FCSK: variants seen among roughly 807,000 people sequenced by gnomAD.
FCSK encodes the protein fucose kinase, also known as L-fucose kinase.
Under a neutral mutation model 122.5 loss-of-function variants are expected in FCSK, and 123 were observed. That is an observed-to-expected ratio of 1.00 (90% CI 0.87 to 1.17). The LOEUF is 1.17. FCSK is among the 50% of genes most tolerant of loss of function. The pLI, the probability that FCSK is intolerant of heterozygous loss-of-function variation, is 0.00. For synonymous variants in FCSK, 620 were observed against 625.5 expected, an observed-to-expected ratio of 0.99 and a Z score of 0.13; for missense variants, 1,366 against 1,450.4, an observed-to-expected ratio of 0.94 and a Z score of 0.95.
intron 13 of FCSK, 172 bp from the exon 14 acceptor site, chr16:70,472,369 C>A: frequency 2.0e-6 from 1 of 510,532 alleles, no homozygotes; most frequent in Non-Finnish European, 3.5e-6. Context: ...GAGTTCATAC[C>A]TGCAGTGAGC....
intron 13 of FCSK, among the ~76,000 whole-genome samples, chr16:70,472,135 C>T (rs2048644904): frequency 6.6e-6 from 1 of 152,072 alleles, no homozygotes; most frequent in Non-Finnish European, 1.5e-5. Context: ...CCTTATTTGA[C>T]AGGCTAGAGA....
chr16:70,478,757 C>T (rs970646826), intron 22 of FCSK, 107 bp downstream of exon 22: 3 of 925,432 alleles, frequency 3.2e-6, no homozygotes, highest in East Asian at 2.6e-5. Flanking sequence ...TCCAGATATT[C>T]GGCCTCTGGG....
Position 70,473,420 on chromosome 16 carries a change from C to T in FCSK, c.1777+67C>T. On this transcript the variant is annotated intron_variant, in intron 15 of 23. Coordinates refer to ENST00000288078, the MANE Select transcript of FCSK (RefSeq NM_145059.3). This position sits in a 1 kb window ranked among gnomAD's most constrained non-coding sequence, Gnocchi z 4.9. ...GCACCTGCCCTCCCTGTCCTCTGGG[C>T]CATCCCCTGAGGGGACTAGGGGACC... 2 of 1,428,374 alleles carry T rather than the reference C, an allele frequency of 1.4e-6. No homozygotes were observed. The highest frequency in any genetic ancestry group is 9.2e-7 in the Non-Finnish European group (1 of 1,083,684). The allele number at this position is 1,428,374 out of a possible 1,614,324, so 88.5% of individuals were successfully genotyped here. A position where few individuals can be genotyped will look rare whatever the true frequency, so the allele number is the denominator to read the frequency against.
rs538268173 is a variant in FCSK at position 70,473,312 on chromosome 16, G to A, written c.1736G>A (p.Arg579His). Residue 579 changes from arginine (R) to histidine (H), a missense_variant, in exon 15 of 24, where the codon CGC (arginine) becomes CAC (histidine). Physicochemically the swap from Arg to His is conservative, Grantham distance 29. Coordinates refer to ENST00000288078, the MANE Select transcript of FCSK (RefSeq NM_145059.3). This position sits in a 1 kb window ranked among gnomAD's most constrained non-coding sequence, Gnocchi z 4.9. ...CGCCCGCTGATCTGGGCTGCTGTCC[G>A]CGAGGGCTGCCCCGGGCCCCTGCTG... is the stretch of plus-strand genomic sequence containing the variant. ...SLRPLIWAAV[R>H]EGCPGPLLAT... is the part of the protein sequence containing the mutation. The A allele has an allele frequency of 4.5e-5, 69 of 1,519,474 alleles. No individual in the cohort carries two copies. Among genetic ancestry groups the A allele is most frequent in the Admixed American group, 6.0e-5 (3 of 49,592 alleles). 94.1% of individuals were successfully genotyped at this position (1,519,474 alleles called of 1,614,324 possible). A position where few individuals can be genotyped will look rare whatever the true frequency, so the allele number is the denominator to read the frequency against.
rs1350324912 is a variant in FCSK at position 70,469,281 on chromosome 16, G to A, written c.913G>A (p.Ala305Thr). 4 of 1,611,848 alleles carry A rather than the reference G, an allele frequency of 2.5e-6. No individual in the cohort carries two copies. The highest frequency in any genetic ancestry group is 1.3e-5 in the African/African-American group (1 of 74,924). The change falls in exon 10 of 24, where the codon GCC becomes ACC. Residue 305 changes from alanine (A) to threonine (T), a missense_variant. Coordinates refer to ENST00000288078, the MANE Select transcript of FCSK (RefSeq NM_145059.3). The stretch of plus-strand genomic sequence containing the variant: ...AGCGGGTTATCTGCAGAGCGCCCGG[G>A]CCCAGCTGTGGAGGGAGCTTCGCGA... The part of the protein sequence containing the change: ...DVAGYLQSAR[A>T]QLWRELRDQP...
intron 5 of FCSK, 146 bp from the exon 6 acceptor site, chr16:70,466,736 T>C (rs1232692122): frequency 4.0e-5 from 26 of 657,476 alleles, no homozygotes; most frequent in Non-Finnish European, 6.5e-5. Context: ...TGGGGAAAGT[T>C]GTAAACCCAG....
chr16:70,472,755 G>T, intron 14 of FCSK, 150 bp downstream of exon 14: 1 of 818,744 alleles, frequency 1.2e-6, no homozygotes, highest in Non-Finnish European at 1.9e-6. Flanking sequence ...ATTCTCTCCA[G>T]TACTTTCCCC....
At position 70,473,071 on chromosome 16, in the gene FCSK, G is replaced by C; in HGVS notation, c.1495G>C (p.Glu499Gln). The C allele has an allele frequency of 6.3e-7, 1 of 1,591,142 alleles. No individual in the cohort carries two copies. The highest frequency in any genetic ancestry group is 8.5e-7 in the Non-Finnish European group (1 of 1,169,682). The stretch of plus-strand genomic sequence containing the variant: ...CTTTCCTGTGCTCCACCCCTCGAGG[G>C]AGCTGGGACCCCAGGACCTGCTGTG... ...RLFPVLHPSR[E>Q]LGPQDLLWML... The change falls in exon 15 of 24, where the codon GAG (glutamate) becomes CAG (glutamine). Residue 499 changes from glutamate (E) to glutamine (Q), a missense_variant. Physicochemically the swap from Glu to Gln is conservative, Grantham distance 29. Transcript: ENST00000288078. This position sits in a 1 kb window ranked among gnomAD's most constrained non-coding sequence, Gnocchi z 4.9.
chr16:70,468,781 C>T lies in FCSK; in HGVS notation c.664-68C>T, dbSNP rs141383093. 1,089 of 1,593,220 alleles carry T rather than the reference C, an allele frequency of 6.8e-4. 5 individuals are homozygous for T. In the African/African-American group the frequency reaches 0.011, roughly 16 times the overall value. ...CTTCATGTGGCCCATCTGCATGTGC[C>T]CTCCCTGACTTGTACCAGGGCCTGG... On this transcript the variant is annotated intron_variant, in intron 8 of 23. Coordinates refer to ENST00000288078, the MANE Select transcript of FCSK (RefSeq NM_145059.3).
rs764565288 is a variant in FCSK at position 70,471,089 on chromosome 16, T to G, written c.1170+17T>G. 4 of 1,593,780 alleles carry G rather than the reference T, an allele frequency of 2.5e-6. No homozygotes were observed. The highest frequency in any genetic ancestry group is 3.4e-6 in the Non-Finnish European group (4 of 1,172,656). On this transcript the variant is annotated intron_variant, in intron 12 of 23. Transcript: ENST00000288078. Reference sequence around the variant, plus strand: ...CACCTGCAGGTGAGGCCTGAGCGTGTGGGCAGATTGGGGCGAGGGTGCTGG... The same window carrying G: ...CACCTGCAGGTGAGGCCTGAGCGTGGGGGCAGATTGGGGCGAGGGTGCTGG...
At chr16:70,471,161 G>C in intron 12 of FCSK, 21 bp from the exon 13 acceptor site, 1 of 1,597,768 alleles carries the variant, frequency 6.3e-7, no homozygotes, top group Non-Finnish European at 8.5e-7. Context: ...CACCCAGGAT[G>C]CCTGCCCTGT....
rs1369068308 is a variant in FCSK at position 70,466,883 on chromosome 16, T to C, written c.413T>C (p.Leu138Pro). The C allele has an allele frequency of 8.7e-6, 14 of 1,613,210 alleles. No homozygotes were observed. Among genetic ancestry groups the C allele is most frequent in the Non-Finnish European group, 1.2e-5 (14 of 1,179,850 alleles). ...DCLLDIMTYR[L>P]GPGSPPGVWV... ...TGTTCTGTCTCCTTCCCCCCACAGC[T>C]GGGCCCGGGCTCCCCGCCAGGCGTG... The change falls in exon 6 of 24, where the codon CTG (leucine) becomes CCG (proline). Residue 138 changes from leucine to proline, a missense_variant and splice_region_variant. By Grantham distance (98) the Leu-to-Pro change is moderately conservative (BLOSUM62 -3). Coordinates refer to ENST00000288078, the MANE Select transcript of FCSK (RefSeq NM_145059.3).
At chr16:70,463,961 CT>C (rs1391404559) in intron 3 of FCSK, among the ~76,000 whole-genome samples, 187 bp downstream of exon 3, 1 of 152,026 alleles carries the variant, frequency 6.6e-6, no homozygotes, top group Admixed American at 6.5e-5. Context: ...GCAGGGCCAG[CT>C]TTTGCAGTGT....
chr16:70,468,722 G>GA, intron 8 of FCSK, 127 bp from the exon 9 acceptor site: 2 of 1,208,830 alleles, frequency 1.7e-6, no homozygotes, highest in Non-Finnish European at 2.4e-6. Flanking sequence ...GGAGTGGTCA[G>GA]AAGGTGACAC....
rs1425289484 is a variant in FCSK, at chr16:70,473,283, C to T, written c.1707C>T (p.Ser569=). 1.3e-6 allele frequency: 2 copies of T among 1,528,962 alleles called. No homozygotes were observed. Among genetic ancestry groups the T allele is most frequent in the African/African-American group, 1.4e-5 (1 of 72,830 alleles). The allele number at this position is 1,528,962 out of a possible 1,614,324, so 94.7% of individuals were successfully genotyped here. ...TGCTGGAGGCCCGGCAGGACCTCAG[C>T]CTGCGCCCGCTGATCTGGGCTGCTG... The part of the protein sequence containing the change: ...RHVLEARQDL[S]LRPLIWAAVR... The change falls in exon 15 of 24, where the codon AGC becomes AGT. Residue 569 remains serine, a synonymous_variant. Coordinates refer to ENST00000288078, the MANE Select transcript of FCSK (RefSeq NM_145059.3). The surrounding 1 kb of genome is among the most constrained non-coding windows in gnomAD (Gnocchi z 4.9).
chr16:70,479,233 C>A lies in FCSK; in HGVS notation c.2983C>A (p.Leu995Ile). ...CLTSYWEQKK[L>I]MAPGCEPLTV... ...GACCTCGTACTGGGAGCAGAAGAAGCTCATGGCTCCAGGCTGTGAGCCCCT... is the reference window on the plus strand; with the variant it reads ...GACCTCGTACTGGGAGCAGAAGAAGATCATGGCTCCAGGCTGTGAGCCCCT... The change falls in exon 23 of 24, where the codon CTC becomes ATC. Residue 995 changes from leucine to isoleucine, a missense_variant. Coordinates refer to ENST00000288078, the MANE Select transcript of FCSK (RefSeq NM_145059.3). The A allele has an allele frequency of 6.2e-7, 1 of 1,613,910 alleles. No individual in the cohort carries two copies. The highest frequency in any genetic ancestry group is 8.5e-7 in the Non-Finnish European group (1 of 1,180,034).
Position 70,475,002 on chromosome 16 carries a change from C to G in FCSK, c.2368C>G (p.His790Asp), listed in dbSNP as rs1161446980. ...TGACCTGCGGGACTACTGCCAGCCT[C>G]ATGCCCCAGGTCAGGCACCCTGGGA... Reference protein sequence around the residue: ...LADLRDYCQPHAPGALLKAAF... With the variant: ...LADLRDYCQPDAPGALLKAAF... The change falls in exon 18 of 24, where the codon CAT (histidine) becomes GAT (aspartate). Residue 790 changes from histidine (H) to aspartate (D), a missense_variant. Coordinates refer to ENST00000288078, the MANE Select transcript of FCSK (RefSeq NM_145059.3). The G allele has an allele frequency of 6.2e-7, 1 of 1,600,784 alleles. No homozygotes were observed. The highest frequency in any genetic ancestry group is 8.5e-7 in the Non-Finnish European group (1 of 1,175,340).
intron 2 of FCSK, 22 bp downstream of exon 2, chr16:70,463,294 C>T (rs777994978): frequency 6.9e-6 from 11 of 1,597,506 alleles, no homozygotes; most frequent in Non-Finnish European, 9.4e-6. Flanking sequence ...CCCTTCCCAC[C>T]TTGCCCCTAA....
chr16:70,466,984 C>T (rs2048439109), intron 6 of FCSK, 30 bp downstream of exon 6: 3 of 1,601,538 alleles, frequency 1.9e-6, no homozygotes, highest in Non-Finnish European at 2.6e-6. Flanking sequence ...GGACTGCCTT[C>T]CTTCGTCACA....
Sources: allele counts gnomAD v4.1 joint callset (sites outside exome capture counted in the v4.1 genomes callset), GRCh38; gene constraint gnomAD v4.1.1; non-coding constraint Gnocchi (gnomAD v3.1); transcripts MANE v1.5; gene names NCBI Gene and HGNC (gene_info 2026-07-23, HGNC 2026-07-21).